Variants in GBX1 observed in about 807,000 individuals in gnomAD.
GBX1 encodes gastrulation brain homeobox 1, also known as homeobox protein GBX-1.
Under a neutral mutation model 22.9 loss-of-function variants are expected in GBX1, and 9 were observed. That is an observed-to-expected ratio of 0.39 (90% CI 0.24 to 0.69). GBX1 has a LOEUF of 0.69. GBX1 is among the 30% of genes least tolerant of loss of function. The pLI is 0.43. For missense variants in GBX1, 494 were observed against 509.2 expected (o/e 0.97, Z 0.29); for synonymous variants, 203 against 227.3 (o/e 0.89, Z 0.96).
At chr7:151,158,864 C>T (rs1236825334) in intron 1 of GBX1, among the ~76,000 whole-genome samples, 1 of 152,114 alleles carries the variant, frequency 6.6e-6, no homozygotes, top group African/African-American at 2.4e-5. Context: ...CAGGATGCTG[C>T]ACAAATATCT....
rs1801037149 is a variant in GBX1, at chr7:151,148,352, C to G, written c.*237G>C. ...GCTCCTCAGCAATAGAACCCCAGCC[C>G]CTTTAACCTTGAAGCCCCTAGTCCT... is the stretch of plus-strand genomic sequence containing the variant. On this transcript the variant is annotated 3_prime_UTR_variant, in exon 2 of 2. Transcript: ENST00000297537. This position sits in a 1 kb window ranked among gnomAD's most constrained non-coding sequence, Gnocchi z 5.1. Among the ~76,000 whole-genome samples, 1 of 152,170 alleles carries G rather than the reference C, an allele frequency of 6.6e-6. No individual in the cohort carries two copies. The highest frequency in any genetic ancestry group is 1.5e-5 in the Non-Finnish European group (1 of 68,030).
Position 151,167,295 on chromosome 7 carries a change from T to C in GBX1, c.254A>G (p.Asn85Ser), listed in dbSNP as rs1801269060. The C allele has an allele frequency of 6.5e-7, 1 of 1,529,152 alleles. No individual in the cohort carries two copies. 94.7% of individuals were successfully genotyped at this position (1,529,152 alleles called of 1,614,324 possible). A position where few individuals can be genotyped will look rare whatever the true frequency, so the allele number is the denominator to read the frequency against. ...PLASFAGRLT[N>S]TFCAGLGQAV... Reference sequence around the variant, plus strand: ...CTGACCCAGCCCCGCGCAGAAGGTGTTGGTAAGGCGGCCGGCGAAAGAGGC... The same window carrying C: ...CTGACCCAGCCCCGCGCAGAAGGTGCTGGTAAGGCGGCCGGCGAAAGAGGC... Residue 85 changes from asparagine (N) to serine (S), a missense_variant, in exon 1 of 2, where the codon AAC becomes AGC. By Grantham distance (46) the Asn-to-Ser change is conservative. Transcript: ENST00000297537. This position sits in a 1 kb window ranked among gnomAD's most constrained non-coding sequence, Gnocchi z 5.9.
intron 1 of GBX1, among the ~76,000 whole-genome samples, chr7:151,166,334 CCT>C (rs1801249244): frequency 6.6e-6 from 1 of 152,070 alleles, no homozygotes; most frequent in Non-Finnish European, 1.5e-5. Context: ...CAGCCTTTAG[CCT>C]CTCTCTTGGT....
At chr7:151,157,811 T>C (rs1801152368) in intron 1 of GBX1, among the ~76,000 whole-genome samples, 1 of 152,220 alleles carries the variant, frequency 6.6e-6, no homozygotes, top group Non-Finnish European at 1.5e-5. Context: ...TAATATGCTA[T>C]CTCCCTGGAG....
At position 151,167,491 on chromosome 7, in the gene GBX1, C is replaced by T. The variant is rs1181225281; in HGVS notation, c.58G>A (p.Gly20Ser). Residue 20 changes from glycine to serine, a missense_variant, in exon 1 of 2, where the codon GGC becomes AGC. By Grantham distance (56) the Gly-to-Ser change is moderately conservative. Around this residue, in one of 3 missense-constraint regions of GBX1, gnomAD observed 365 missense variants for 340.4 expected, o/e 1.07. Transcript: ENST00000297537. The surrounding 1 kb of genome is among the most constrained non-coding windows in gnomAD (Gnocchi z 5.9). ...TCGATGGAGAAGGCAGTGCCCGGGC[C>T]CCCGCCGCCGCCCCCGCCGTTGCCC... ...PGGNGGGGGG[G>S]PGTAFSIDSL... 3 of 1,488,198 alleles carry T rather than the reference C, an allele frequency of 2.0e-6. No individual in the cohort carries two copies. The East Asian group carries it at 8.4e-5, about 42-fold the overall frequency. 92.2% of individuals were successfully genotyped at this position (1,488,198 alleles called of 1,614,324 possible). A position where few individuals can be genotyped will look rare whatever the true frequency, so the allele number is the denominator to read the frequency against.
chr7:151,165,588 G>T (rs1801240022), intron 1 of GBX1, among the ~76,000 whole-genome samples: 1 of 152,100 alleles, frequency 6.6e-6, no homozygotes, highest in Non-Finnish European at 1.5e-5. Flanking sequence ...TTATCTTGTG[G>T]ACATTTTCTC....
rs760449195 is a variant in GBX1, at chr7:151,167,569, C to G, written c.-21G>C. Reference sequence around the variant, plus strand: ...TGCATCTTGTTCGGAGCTGCGGCCGCCCCGGGGCGCTCCTCTCTGGGCGCC... The same window carrying G: ...TGCATCTTGTTCGGAGCTGCGGCCGGCCCGGGGCGCTCCTCTCTGGGCGCC... On this transcript the variant is annotated 5_prime_UTR_variant, in exon 1 of 2. Transcript: ENST00000297537. This position sits in a 1 kb window ranked among gnomAD's most constrained non-coding sequence, Gnocchi z 5.9. The G allele has an allele frequency of 1.4e-5, 20 of 1,403,520 alleles. 1 individual carries two copies. In the South Asian group the frequency reaches 2.8e-4, roughly 20 times the overall value. 86.9% of individuals were successfully genotyped at this position (1,403,520 alleles called of 1,614,324 possible).
At chr7:151,150,630 G>T (rs774535016) in intron 1 of GBX1, among the ~76,000 whole-genome samples, 1 of 151,456 alleles carries the variant, frequency 6.6e-6, no homozygotes, top group East Asian at 1.9e-4. Flanking sequence ...AGCACACCCC[G>T]CCCCACCCCC....
chr7:151,165,632 T>G (rs898558133), intron 1 of GBX1, among the ~76,000 whole-genome samples: 5 of 152,238 alleles, frequency 3.3e-5, no homozygotes, highest in African/African-American at 1.2e-4. Flanking sequence ...CTGTTCCTTA[T>G]GATCCCCCTT....
In GBX1 at chr7:151,167,154, G is replaced by C; in HGVS notation, c.395C>G (p.Ala132Gly). 1 of 1,596,252 alleles carries C rather than the reference G, an allele frequency of 6.3e-7. No individual in the cohort carries two copies. The highest frequency in any genetic ancestry group is 8.5e-7 in the Non-Finnish European group (1 of 1,173,888). The change falls in exon 1 of 2, where the codon GCC becomes GGC. Residue 132 changes from alanine to glycine, a missense_variant. Coordinates refer to ENST00000297537, the MANE Select transcript of GBX1 (RefSeq NM_001098834.3). This position sits in a 1 kb window ranked among gnomAD's most constrained non-coding sequence, Gnocchi z 5.9. ...AAAAAAAAAT[A>G]ARNNPEPGGR... is the part of the protein sequence containing the mutation. ...GCCTGGCTCGGGGTTGTTTCGGGCG[G>C]CAGTGGCGGCGGCGGCGGCAGCGGC...
chr7:151,160,479 G>C (rs1248666016), intron 1 of GBX1, among the ~76,000 whole-genome samples: 1 of 152,128 alleles, frequency 6.6e-6, no homozygotes, highest in Non-Finnish European at 1.5e-5. Flanking sequence ...GTATTTTCCT[G>C]TTCCTCCCAG....
intron 1 of GBX1, chr7:151,149,935 G>A (rs540861137): frequency 1.4e-4 from 64 of 455,882 alleles, no homozygotes; most frequent in African/African-American, 1.2e-3. Flanking sequence ...CCTTTCCCCA[G>A]CCAAGGATGC....
chr7:151,160,504 A>G (rs1801178446), intron 1 of GBX1, among the ~76,000 whole-genome samples: 1 of 152,214 alleles, frequency 6.6e-6, no homozygotes, highest in Admixed American at 6.5e-5. Flanking sequence ...CATATTTTGA[A>G]CAGTGCCTTT....
rs180687139 is a variant in GBX1, at chr7:151,150,639, C to A, written c.539-1497G>T. On this transcript the variant is annotated intron_variant, in intron 1 of 1. Transcript: ENST00000297537. ...TCCTTCAGCACACCCCGCCCCACCC[C>A]CTGCCAAGTTCCCTTCCCCCTCACA... Among the ~76,000 whole-genome samples the A allele has an allele frequency of 3.4e-3, 520 of 152,282 alleles. 5 individuals carry two copies. The highest frequency in any genetic ancestry group is 5.9e-3 in the Non-Finnish European group (402 of 68,016).
chr7:151,150,376 A>G (rs374488268), intron 1 of GBX1, among the ~76,000 whole-genome samples: 4 of 152,246 alleles, frequency 2.6e-5, no homozygotes, highest in African/African-American at 9.6e-5. Flanking sequence ...CTGAATAGTC[A>G]GCTCCTTTCC....
chr7:151,165,434 A>G (rs761923669), intron 1 of GBX1, among the ~76,000 whole-genome samples: 2 of 152,258 alleles, frequency 1.3e-5, no homozygotes, highest in African/African-American at 4.8e-5. Context: ...TTACACCTTC[A>G]GGTCCTATCT....
intron 1 of GBX1, among the ~76,000 whole-genome samples, chr7:151,156,857 C>T (rs990516822): frequency 6.6e-6 from 1 of 151,546 alleles, no homozygotes; most frequent in Non-Finnish European, 1.5e-5. Flanking sequence ...TGGCGGTGCG[C>T]GCCTGTAATT....
At chr7:151,155,077 T>A (rs1801119299) in intron 1 of GBX1, among the ~76,000 whole-genome samples, 1 of 152,208 alleles carries the variant, frequency 6.6e-6, no homozygotes, top group African/African-American at 2.4e-5. Context: ...AAATCAATTA[T>A]CTTGAGTATT....
chr7:151,156,954 C>A (rs1801142084), intron 1 of GBX1, among the ~76,000 whole-genome samples: 1 of 134,042 alleles, frequency 7.5e-6, no homozygotes, highest in Non-Finnish European at 1.5e-5. Context: ...AACTGTACTC[C>A]AGCCCAGGCA....
Sources: gnomAD v4.1 joint callset for allele counts (sites outside exome capture counted in the v4.1 genomes callset) on GRCh38, gnomAD v4.1.1 for gene constraint, gnomAD v4.1.1 regional missense constraint, Gnocchi (gnomAD v3.1) non-coding constraint, MANE v1.5 for transcripts, NCBI Gene and HGNC (gene_info 2026-07-23, HGNC 2026-07-21) for gene names.